GREB1: variants seen among roughly 807,000 people sequenced by gnomAD.
GREB1 encodes the protein protein GREB1.
Under a neutral mutation model 200.7 loss-of-function variants are expected in GREB1, and 106 were observed. The ratio of observed to expected loss-of-function variants is 0.53; its 90% confidence interval spans 0.45 to 0.62. The LOEUF (loss-of-function observed/expected upper bound fraction) is 0.62, where lower values mean the gene tolerates loss of function less well. GREB1 is among the 20% of genes least tolerant of loss of function. The pLI, the probability that GREB1 is intolerant of heterozygous loss-of-function variation, is 0.00. For synonymous variants in GREB1, 1,132 were observed against 1,092.4 expected (o/e 1.04, Z -0.72); for missense variants, 2,243 against 2,556.8 (o/e 0.88, Z 2.65).
At chr2:11,511,283 C>A (rs779177573) in intron 1 of GREB1, among the ~76,000 whole-genome samples, 2 of 152,128 alleles carry the variant, frequency 1.3e-5, no homozygotes, top group Admixed American at 1.3e-4. Flanking sequence ...ACAATCATCC[C>A]CATTTTATGG....
chr2:11,575,629 C>G (rs2148029155), intron 4 of GREB1, among the ~76,000 whole-genome samples: 1 of 152,328 alleles, frequency 6.6e-6, no homozygotes, highest in East Asian at 1.9e-4. Flanking sequence ...AATTCACTCA[C>G]CAGCATGCTG....
chr2:11,535,218 T>C (rs1011990098), intron 1 of GREB1, among the ~76,000 whole-genome samples: 1 of 152,148 alleles, frequency 6.6e-6, no homozygotes, highest in Non-Finnish European at 1.5e-5. Context: ...AGTCTCTGCA[T>C]TTCCTCAGGG....
At chr2:11,591,317 C>T in intron 10 of GREB1, 3 of 719,212 alleles carry the variant, frequency 4.2e-6, no homozygotes, top group Admixed American at 4.0e-5. Context: ...GGAGATAGCT[C>T]AGGGCCGCAC....
intron 18 of GREB1, among the ~76,000 whole-genome samples, chr2:11,611,449 A>G (rs1682917284): frequency 6.6e-6 from 1 of 152,136 alleles, no homozygotes. Context: ...AGTAGCTGGA[A>G]CCACCAGCGT....
chr2:11,549,733 T>C (rs1274785358), intron 1 of GREB1, among the ~76,000 whole-genome samples: 2 of 152,230 alleles, frequency 1.3e-5, no homozygotes, highest in Non-Finnish European at 2.9e-5. Context: ...AGCATTCTGT[T>C]CTTGTTTTGT....
chr2:11,569,980 T>C (rs1678094877), intron 4 of GREB1, among the ~76,000 whole-genome samples: 1 of 152,190 alleles, frequency 6.6e-6, no homozygotes. Context: ...TAGCCTTCTT[T>C]AAAGGTTACC....
intron 9 of GREB1, chr2:11,588,532 C>A (rs922503053): frequency 1.6e-6 from 1 of 626,218 alleles, no homozygotes. Flanking sequence ...AGTGGCACAG[C>A]CCCATTGGTT....
chr2:11,546,712 A>G (rs2147786051), intron 1 of GREB1, among the ~76,000 whole-genome samples: 1 of 152,260 alleles, frequency 6.6e-6, no homozygotes, highest in South Asian at 2.1e-4. Flanking sequence ...GCATGATGAA[A>G]ACCCTGCTCT....
intron 1 of GREB1, among the ~76,000 whole-genome samples, chr2:11,489,559 T>G (rs1479542239): frequency 1.3e-5 from 2 of 152,214 alleles, no homozygotes; most frequent in African/African-American, 4.8e-5. Flanking sequence ...GTTTCATATT[T>G]CTCAAATAAC....
chr2:11,547,594 A>C (rs1012367594), intron 1 of GREB1, among the ~76,000 whole-genome samples: 1 of 152,222 alleles, frequency 6.6e-6, no homozygotes, highest in Non-Finnish European at 1.5e-5. Context: ...TTTTTCAAAA[A>C]TTATAAATAT....
chr2:11,638,085 G>A (rs1357283638), intron 31 of GREB1, among the ~76,000 whole-genome samples, 169 bp downstream of exon 31: 1 of 152,246 alleles, frequency 6.6e-6, no homozygotes, highest in East Asian at 1.9e-4. Flanking sequence ...GCTTTGCCTG[G>A]AAGTAAGACG....
At chr2:11,589,423 G>T (rs1054090923) in intron 10 of GREB1, among the ~76,000 whole-genome samples, 1 of 152,134 alleles carries the variant, frequency 6.6e-6, no homozygotes, top group African/African-American at 2.4e-5. Flanking sequence ...AGAGAGGGAG[G>T]CCAGGTGAGT....
Position 11,638,819 on chromosome 2 carries a change from G to T in GREB1, c.5686+10G>T, listed in dbSNP as rs1242671885. On this transcript the variant is annotated intron_variant, in intron 32 of 32. Coordinates refer to ENST00000381486, the MANE Select transcript of GREB1 (RefSeq NM_014668.4). Reference sequence around the variant, plus strand: ...TTTCATTTTCTGAAAGGTAACTTTTGTACTCTTAACTCTGCACCTTGTCTT... The same window carrying T: ...TTTCATTTTCTGAAAGGTAACTTTTTTACTCTTAACTCTGCACCTTGTCTT... The T allele has an allele frequency of 6.2e-7, 1 of 1,613,730 alleles. No individual in the cohort carries two copies. The highest frequency in any genetic ancestry group is 8.5e-7 in the Non-Finnish European group (1 of 1,179,852).
intron 1 of GREB1, among the ~76,000 whole-genome samples, chr2:11,509,041 A>AT (rs1170090723): frequency 1.5e-4 from 22 of 151,320 alleles, no homozygotes; most frequent in African/African-American, 3.2e-4. Flanking sequence ...CGCCCGGCTA[A>AT]TTTTTTTGTA....
chr2:11,600,450 T>C (rs569084398), intron 15 of GREB1, among the ~76,000 whole-genome samples: 1 of 152,186 alleles, frequency 6.6e-6, no homozygotes, highest in Non-Finnish European at 1.5e-5. Context: ...TGTAAGGAGA[T>C]AAGTACACAA....
intron 15 of GREB1, among the ~76,000 whole-genome samples, chr2:11,600,213 T>C (rs1681660755): frequency 1.3e-5 from 2 of 152,188 alleles, no homozygotes; most frequent in African/African-American, 4.8e-5. Flanking sequence ...TTTCTCAGAG[T>C]GGCCTCCTGC....
At chr2:11,606,419 A>G (rs1251842357) in intron 17 of GREB1, among the ~76,000 whole-genome samples, 89 of 152,142 alleles carry the variant, frequency 5.8e-4, no homozygotes, top group Non-Finnish European at 1.3e-4. Context: ...AATTTCTCCA[A>G]TGACTGATGA....
At chr2:11,505,222 T>C (rs933617573) in intron 1 of GREB1, among the ~76,000 whole-genome samples, 1 of 152,160 alleles carries the variant, frequency 6.6e-6, no homozygotes, top group African/African-American at 2.4e-5. Context: ...TGAGCCACCG[T>C]GCCTGGCAGG....
At chr2:11,582,471 C>T (rs2148086858) in intron 7 of GREB1, among the ~76,000 whole-genome samples, 1 of 152,342 alleles carries the variant, frequency 6.6e-6, no homozygotes, top group Non-Finnish European at 1.5e-5. Context: ...TGCGTCCCGG[C>T]TCTGGGCTGC....
Sources: gnomAD v4.1 joint callset for allele counts (sites outside exome capture counted in the v4.1 genomes callset) on GRCh38, gnomAD v4.1.1 for gene constraint, MANE v1.5 for transcripts, NCBI Gene and HGNC (gene_info 2026-07-23, HGNC 2026-07-21) for gene names.